RBM20: variants seen among roughly 807,000 people sequenced by gnomAD.
RBM20 encodes the protein RNA-binding protein 20.
In RBM20, 51 loss-of-function variants were observed where a neutral mutation model predicts 110.1. The observed-to-expected ratio is 0.46, with a 90% confidence interval of 0.37 to 0.59. The LOEUF is 0.59. RBM20 is among the 20% of genes least tolerant of loss of function. The probability of loss-of-function intolerance (pLI) is 0.00; values close to 1 mark genes in which losing one functional copy is unlikely to be tolerated. For synonymous variants in RBM20, 589 were observed against 618.2 expected (o/e 0.95, Z 0.70); for missense variants, 1,512 against 1,574.9 (o/e 0.96, Z 0.68).
chr10:110,724,423 A>C (rs575083060), intron 1 of RBM20, among the ~76,000 whole-genome samples: 1 of 152,322 alleles, frequency 6.6e-6, no homozygotes, highest in Non-Finnish European at 1.5e-5. Context: ...AGGAAGTCTG[A>C]AGATGTTTCC....
At chr10:110,670,578 G>A (rs183100370) in intron 1 of RBM20, among the ~76,000 whole-genome samples, 2 of 152,252 alleles carry the variant, frequency 1.3e-5, no homozygotes, top group East Asian at 1.9e-4. Flanking sequence ...CTAATACAGC[G>A]GCTGAGAACG....
chr10:110,758,014 CTTTT>C (rs760246427), intron 1 of RBM20, among the ~76,000 whole-genome samples: 4,383 of 79,816 alleles, frequency 0.055, 81 homozygotes, highest in Non-Finnish European at 0.067. Flanking sequence ...GATCCTTGTT[CTTTT>C]TTTTTTTTTT....
chr10:110,777,043 C>T (rs955578714), intron 1 of RBM20, among the ~76,000 whole-genome samples: 2 of 152,162 alleles, frequency 1.3e-5, no homozygotes, highest in African/African-American at 4.8e-5. Context: ...CTCAAAGCCA[C>T]CAGATTCTGA....
chr10:110,673,221 C>CT (rs1303788227), intron 1 of RBM20, among the ~76,000 whole-genome samples: 1 of 149,624 alleles, frequency 6.7e-6, no homozygotes, highest in Non-Finnish European at 1.5e-5. Flanking sequence ...TTTTTTTTTC[C>CT]TTTTTTCTGA....
At chr10:110,720,577 C>G (rs1442188013) in intron 1 of RBM20, among the ~76,000 whole-genome samples, 3 of 152,176 alleles carry the variant, frequency 2.0e-5, no homozygotes, top group Non-Finnish European at 4.4e-5. Context: ...TTCTCCACCC[C>G]TCCTCTGCTA....
rs190200911 is a variant in RBM20, at chr10:110,805,602, C to T, written c.1801-4781C>T. ...GGATGCCAGATGGGCCTCATTAACC[C>T]ACCTTCACTGGTGGAGAAAGTGAGT... is the stretch of plus-strand genomic sequence containing the variant. On this transcript the variant is annotated intron_variant, in intron 7 of 13. Transcript: ENST00000369519. Among the ~76,000 whole-genome samples, 8 of 152,346 alleles carry T rather than the reference C, an allele frequency of 5.3e-5. No homozygotes were observed. In the South Asian group the frequency reaches 1.5e-3, roughly 28 times the overall value.
At chr10:110,662,032 G>A (rs998104642) in intron 1 of RBM20, among the ~76,000 whole-genome samples, 1 of 146,270 alleles carries the variant, frequency 6.8e-6, no homozygotes, top group Non-Finnish European at 1.5e-5. Flanking sequence ...AAAGATAGTA[G>A]CATTGAGTGG....
intron 1 of RBM20, among the ~76,000 whole-genome samples, chr10:110,702,996 T>G (rs1034384711): frequency 1.4e-5 from 2 of 147,316 alleles, no homozygotes; most frequent in African/African-American, 2.5e-5. Flanking sequence ...TTCTTGTTTT[T>G]TTTTTTGTTT....
At chr10:110,756,757 C>T (rs917694625) in intron 1 of RBM20, 5 of 152,132 alleles carry the variant, frequency 3.3e-5, no homozygotes, top group African/African-American at 4.8e-5. Context: ...GTGGTTGTCA[C>T]GATATATGCA....
At position 110,801,288 on chromosome 10, in the gene RBM20, G is replaced by A. The variant is rs1431580918; in HGVS notation, c.1800+1370G>A. Reference sequence around the variant, plus strand: ...CTAAAAATACAAAAATTAGCCAGGCGTGGTGGCAGGCGCCTGTAATCTCAG... The same window carrying A: ...CTAAAAATACAAAAATTAGCCAGGCATGGTGGCAGGCGCCTGTAATCTCAG... On this transcript the variant is annotated intron_variant, in intron 7 of 13. Coordinates refer to ENST00000369519, the MANE Select transcript of RBM20 (RefSeq NM_001134363.3). Among the ~76,000 whole-genome samples the A allele has an allele frequency of 3.9e-5, 6 of 151,972 alleles. No individual in the cohort carries two copies. The South Asian group carries it at 6.2e-4, about 16-fold the overall frequency.
chr10:110,802,383 CTTT>C (rs200758964), intron 7 of RBM20, among the ~76,000 whole-genome samples: 44,454 of 135,068 alleles, frequency 0.33, 8,002 homozygotes, highest in African/African-American at 0.53. Flanking sequence ...CAGAACCTGG[CTTT>C]TTTTTTTTTT....
chr10:110,786,887 A>G (rs1392050037), intron 5 of RBM20, among the ~76,000 whole-genome samples: 1 of 152,204 alleles, frequency 6.6e-6, no homozygotes, highest in African/African-American at 2.4e-5. Flanking sequence ...GGGTCTGGGT[A>G]CGGGGAAGAG....
chr10:110,681,308 A>G (rs1157756411), intron 1 of RBM20, among the ~76,000 whole-genome samples: 3 of 152,130 alleles, frequency 2.0e-5, no homozygotes, highest in South Asian at 2.1e-4. Flanking sequence ...CTTCACATCC[A>G]CCTATCTTTA....
intron 1 of RBM20, among the ~76,000 whole-genome samples, chr10:110,705,084 A>G (rs1862816015): frequency 6.6e-6 from 1 of 152,186 alleles, no homozygotes; most frequent in African/African-American, 2.4e-5. Flanking sequence ...TGTGAACAAA[A>G]AGTTCGATTG....
chr10:110,732,961 C>G (rs557510621), intron 1 of RBM20, among the ~76,000 whole-genome samples: 2 of 152,290 alleles, frequency 1.3e-5, no homozygotes, highest in East Asian at 3.9e-4. Flanking sequence ...TCACCAGGCT[C>G]GGAAAATCTC....
intron 1 of RBM20, among the ~76,000 whole-genome samples, chr10:110,762,264 T>C (rs146235304): frequency 6.6e-6 from 1 of 152,360 alleles, no homozygotes; most frequent in Non-Finnish European, 1.5e-5. Flanking sequence ...GCAGGTAGCA[T>C]AATTAGCCTT....
intron 1 of RBM20, among the ~76,000 whole-genome samples, chr10:110,689,929 G>C (rs1294633463): frequency 6.6e-6 from 1 of 152,134 alleles, no homozygotes; most frequent in Non-Finnish European, 1.5e-5. Flanking sequence ...ACTCATAAAA[G>C]AGATATCTTA....
chr10:110,646,763 A>G (rs1287073424), intron 1 of RBM20, among the ~76,000 whole-genome samples: 1 of 152,214 alleles, frequency 6.6e-6, no homozygotes, highest in Non-Finnish European at 1.5e-5. Flanking sequence ...CTGAGCAAAC[A>G]TTTTTATGGA....
chr10:110,831,158 C>T lies in RBM20; in HGVS notation c.3549C>T (p.Ser1183=), dbSNP rs575854668. The T allele has an allele frequency of 2.1e-5, 32 of 1,551,646 alleles. 1 individual carries two copies. The highest frequency in any genetic ancestry group is 1.4e-4 in the Admixed American group (7 of 51,012). The change falls in exon 13 of 14, where the codon AGC becomes AGT. Residue 1183 remains serine, a synonymous_variant. Coordinates refer to ENST00000369519, the MANE Select transcript of RBM20 (RefSeq NM_001134363.3). ...CAGCAAAGATGAGCCACTGCCGCAG[C>T]GCTGTCCACTACAGGAACTTACAGG... The part of the protein sequence containing the change: ...EETAKMSHCR[S]AVHYRNLQKY...
Sources: allele counts gnomAD v4.1 joint callset (sites outside exome capture counted in the v4.1 genomes callset), GRCh38; gene constraint gnomAD v4.1.1; transcripts MANE v1.5; gene names NCBI Gene and HGNC (gene_info 2026-07-23, HGNC 2026-07-21).